GLIS3: variants seen among roughly 807,000 people sequenced by gnomAD.
GLIS3 encodes zinc finger protein GLIS3.
GLIS3 carries 53 observed loss-of-function variants against 78.6 expected under a neutral mutation model. The observed-to-expected ratio is 0.67, with a 90% CI of 0.54 to 0.85. GLIS3 has a LOEUF of 0.85. Ranked by LOEUF, GLIS3 falls within the 40% of genes least tolerant of loss-of-function variation. The probability of loss-of-function intolerance (pLI) is 0.00; values close to 1 mark genes in which losing one functional copy is unlikely to be tolerated. For synonymous variants in GLIS3, 684 were observed against 509.9 expected, an observed-to-expected ratio of 1.34 and a Z score of -4.60; for missense variants, 1,703 against 1,231.1, an observed-to-expected ratio of 1.38 and a Z score of -5.74.
At chr9:4,428,793 A>G in the GLIS3 span, among the ~76,000 whole-genome samples, 1 of 152,166 alleles carries the variant, frequency 6.6e-6, no homozygotes, top group Non-Finnish European at 1.5e-5. Flanking sequence ...TGGTTGTTGC[A>G]AAGGCACTTT....
chr9:4,384,201 G>A, the GLIS3 span, among the ~76,000 whole-genome samples: 6 of 152,190 alleles, frequency 3.9e-5, no homozygotes, highest in Non-Finnish European at 7.3e-5. Context: ...GCACACTGGT[G>A]GTGAACACAG....
chr9:3,953,793 C>CTATATATA lies in GLIS3; in HGVS notation c.1711-16605_1711-16604insTATATATA, dbSNP rs1272427441. Among the ~76,000 whole-genome samples, 9 of 46,938 alleles carry CTATATATA rather than the reference C, an allele frequency of 1.9e-4. No individual in the cohort carries two copies. In the East Asian group the frequency reaches 2.3e-3, roughly 12 times the overall value. The allele number at this position is 46,938 out of a possible 152,430, so 30.8% of individuals were successfully genotyped here. Reference sequence around the variant, plus strand: ...TCTCTCTCTCTCTCTCTCTCTCTCTCTCTATATATATATATATATATATAT... The same window carrying CTATATATA: ...TCTCTCTCTCTCTCTCTCTCTCTCTCTATATATATCTATATATATATATATATATATAT... On this transcript the variant is annotated intron_variant, in intron 4 of 10. Transcript: ENST00000381971.
At chr9:4,006,202 T>TC (rs996025587) in intron 4 of GLIS3, among the ~76,000 whole-genome samples, 2 of 151,408 alleles carry the variant, frequency 1.3e-5, no homozygotes, top group Non-Finnish European at 2.9e-5. Context: ...CTGTAAACTC[T>TC]CTTTTTCACG....
intron 9 of GLIS3, among the ~76,000 whole-genome samples, chr9:3,850,238 C>T (rs1219156471): frequency 1.3e-5 from 2 of 152,264 alleles, no homozygotes; most frequent in South Asian, 2.1e-4. Flanking sequence ...GATAGCAGGG[C>T]CCAGTGCACA....
At chr9:3,953,795 C>CTCTCTATATA (rs1403671770) in intron 4 of GLIS3, among the ~76,000 whole-genome samples, 63 of 73,258 alleles carry the variant, frequency 8.6e-4, no homozygotes, top group African/African-American at 2.2e-3. Flanking sequence ...CTCTCTCTCT[C>CTCTCTATATA]TATATATATA....
chr9:4,195,069 G>A (rs1291633693), intron 2 of GLIS3, among the ~76,000 whole-genome samples: 2 of 152,242 alleles, frequency 1.3e-5, no homozygotes, highest in African/African-American at 4.8e-5. Context: ...CAGCAGTAGG[G>A]CTAGAACTGT....
At chr9:3,897,212 A>G (rs772602138) in intron 7 of GLIS3, among the ~76,000 whole-genome samples, 22 of 152,282 alleles carry the variant, frequency 1.4e-4, no homozygotes, top group Middle Eastern at 6.8e-3. Flanking sequence ...AACCATTTAT[A>G]TTGTATGTTA....
intron 2 of GLIS3, among the ~76,000 whole-genome samples, chr9:4,176,100 A>C (rs1816792826): frequency 6.6e-6 from 1 of 152,226 alleles, no homozygotes; most frequent in African/African-American, 2.4e-5. Context: ...ATGCAGTGAA[A>C]GGCAGGCTCT....
chr9:4,280,567 C>A (rs924928298), intron 2 of GLIS3, among the ~76,000 whole-genome samples: 30 of 152,006 alleles, frequency 2.0e-4, no homozygotes, highest in Non-Finnish European at 3.8e-4. Flanking sequence ...CCAGATCAAA[C>A]TTTAAAAAAT....
chr9:4,229,681 T>C (rs530230235), intron 2 of GLIS3, among the ~76,000 whole-genome samples: 1 of 152,220 alleles, frequency 6.6e-6, no homozygotes, highest in Non-Finnish European at 1.5e-5. Flanking sequence ...AAGGTTTTTA[T>C]TACAATATTA....
At chr9:4,123,273 A>G (rs951750292) in intron 3 of GLIS3, among the ~76,000 whole-genome samples, 5 of 152,182 alleles carry the variant, frequency 3.3e-5, no homozygotes, top group African/African-American at 1.2e-4. Flanking sequence ...AATAATACCT[A>G]GTAATGAATG....
the GLIS3 span, among the ~76,000 whole-genome samples, chr9:4,392,876 G>GA: frequency 5.8e-3 from 871 of 150,828 alleles, 10 homozygotes; most frequent in African/African-American, 0.021. Context: ...GAAATAACTG[G>GA]AAAAAAATCC....
chr9:4,259,257 A>C (rs1030433954), intron 2 of GLIS3, among the ~76,000 whole-genome samples: 13 of 151,648 alleles, frequency 8.6e-5, no homozygotes, highest in South Asian at 4.2e-4. Context: ...TTATTTATTT[A>C]TTTATTTATT....
At chr9:4,446,504 ATTTTT>A in the GLIS3 span, among the ~76,000 whole-genome samples, 177 of 124,136 alleles carry the variant, frequency 1.4e-3, no homozygotes, top group African/African-American at 5.2e-3. Flanking sequence ...AAATATCCAA[ATTTTT>A]TTTTTTTTTT....
At chr9:4,282,458 C>G (rs1023206009) in intron 2 of GLIS3, among the ~76,000 whole-genome samples, 1 of 152,122 alleles carries the variant, frequency 6.6e-6, no homozygotes, top group East Asian at 1.9e-4. Flanking sequence ...CCCTCGCCCC[C>G]GACAAGAGAA....
chr9:3,936,904 G>A (rs1023924742), intron 5 of GLIS3, 124 bp downstream of exon 5: 9 of 1,321,526 alleles, frequency 6.8e-6, no homozygotes, highest in African/African-American at 4.4e-5. Flanking sequence ...CTCCACTGCT[G>A]CCCTTGGCAT....
intron 2 of GLIS3, among the ~76,000 whole-genome samples, chr9:4,165,341 T>A (rs909520458): frequency 9.2e-5 from 14 of 152,096 alleles, no homozygotes; most frequent in African/African-American, 3.4e-4. Flanking sequence ...CTCGGGAGGC[T>A]GAGGCAGGAG....
At chr9:4,379,051 G>A in the GLIS3 span, among the ~76,000 whole-genome samples, 1 of 152,188 alleles carries the variant, frequency 6.6e-6, no homozygotes, top group Admixed American at 6.5e-5. Flanking sequence ...TCAAGTGCTT[G>A]TGGTTTTCTT....
intron 2 of GLIS3, among the ~76,000 whole-genome samples, chr9:4,192,712 A>T (rs755032430): frequency 6.6e-6 from 1 of 152,172 alleles, no homozygotes; most frequent in African/African-American, 2.4e-5. Flanking sequence ...AAGTGAAATG[A>T]TAAGAACACA....
Sources: allele counts gnomAD v4.1 joint callset (sites outside exome capture counted in the v4.1 genomes callset), GRCh38; gene constraint gnomAD v4.1.1; transcripts MANE v1.5; gene names NCBI Gene and HGNC (gene_info 2026-07-23, HGNC 2026-07-21).